CERT1: variants seen among roughly 807,000 people sequenced by gnomAD.
CERT1 encodes the protein ceramide transfer protein.
Under a neutral mutation model 87.9 loss-of-function variants are expected in CERT1, and 31 were observed. The observed-to-expected ratio is 0.35, with a 90% CI of 0.27 to 0.48. The LOEUF (loss-of-function observed/expected upper bound fraction) is 0.48, where lower values mean the gene tolerates loss of function less well. CERT1 is among the 20% of genes least tolerant of loss of function. CERT1 has a pLI of 0.99. For synonymous variants in CERT1, 289 were observed against 250.9 expected (o/e 1.15, Z -1.44); for missense variants, 487 against 758.0 (o/e 0.64, Z 4.20).
At chr5:75,438,661 T>C (rs1764190534) in intron 3 of CERT1, among the ~76,000 whole-genome samples, 4 of 152,168 alleles carry the variant, frequency 2.6e-5, no homozygotes, top group Admixed American at 2.6e-4. Context: ...TAATCTGGAA[T>C]TCAAATATAG....
chr5:75,408,084 G>A (rs1324784611), intron 8 of CERT1, among the ~76,000 whole-genome samples: 1 of 152,008 alleles, frequency 6.6e-6, no homozygotes, highest in Non-Finnish European at 1.5e-5. Context: ...ATTCTTAATA[G>A]GAGCCATTTA....
chr5:75,440,715 G>T (rs143664256), intron 3 of CERT1, among the ~76,000 whole-genome samples: 21 of 152,168 alleles, frequency 1.4e-4, no homozygotes, highest in African/African-American at 5.1e-4. Context: ...AAAAAGCTGA[G>T]TGTTACAAGT....
At chr5:75,382,203 A>T (rs1415785871) in intron 14 of CERT1, 126 bp from the exon 15 acceptor site, 10 of 762,522 alleles carry the variant, frequency 1.3e-5, no homozygotes, top group Non-Finnish European at 2.1e-5. Context: ...GCATCTGAGG[A>T]TATCTACCAA....
At chr5:75,478,909 T>TAAAAAAAAAAAAAAAAAA (rs11438163) in intron 2 of CERT1, among the ~76,000 whole-genome samples, 4 of 21,766 alleles carry the variant, frequency 1.8e-4, no homozygotes, top group Non-Finnish European at 2.4e-4. Flanking sequence ...AAGTAAGTAC[T>TAAAAAAAAAAAAAAAAAA]AAAAAAAAAA....
chr5:75,505,895 G>A (rs189330484), intron 2 of CERT1, 87 bp downstream of exon 2: 75 of 951,890 alleles, frequency 7.9e-5, no homozygotes, highest in East Asian at 7.6e-4. Context: ...TCTTATCCAC[G>A]GATGTATCCT....
In CERT1 at chr5:75,402,683, C is replaced by T. The variant is rs150714440; in HGVS notation, c.1017+289G>A. 1,865 of 206,900 alleles carry T rather than the reference C, an allele frequency of 9.0e-3. 36 individuals are homozygous for T. The highest frequency in any genetic ancestry group is 0.042 in the African/African-American group (1,785 of 42,806). The allele number at this position is 206,900 out of a possible 1,614,324, so 12.8% of individuals were successfully genotyped here. A position where few individuals can be genotyped will look rare whatever the true frequency, so the allele number is the denominator to read the frequency against. ...GGCACGGTGGCGCGCACCTGTAGTC[C>T]CAGCTACTCGGGAGGCTGAGGCAGA... On this transcript the variant is annotated intron_variant, in intron 9 of 16. Coordinates refer to ENST00000643780, the MANE Select transcript of CERT1 (RefSeq NM_001379029.1).
chr5:75,481,298 C>A (rs980196245), intron 2 of CERT1, among the ~76,000 whole-genome samples: 4 of 152,160 alleles, frequency 2.6e-5, no homozygotes, highest in Admixed American at 2.6e-4. Flanking sequence ...TTCCCCATTT[C>A]ACTCATTATA....
chr5:75,511,494 G>A lies in CERT1; in HGVS notation c.-287C>T. On this transcript the variant is annotated 5_prime_UTR_variant, in exon 1 of 17. Coordinates refer to ENST00000643780, the MANE Select transcript of CERT1 (RefSeq NM_001379029.1). ...TGCGTTGCGCCCGGCGCTGCCACCC[G>A]AACTTAGCCCCCTCGATGCCAATTT... 1 of 1,493,138 alleles carries A rather than the reference G, an allele frequency of 6.7e-7. No homozygotes were observed. The highest frequency in any genetic ancestry group is 2.5e-5 in the East Asian group (1 of 40,248). 92.5% of individuals were successfully genotyped at this position (1,493,138 alleles called of 1,614,324 possible).
chr5:75,454,094 G>A (rs1055977533), intron 3 of CERT1, among the ~76,000 whole-genome samples: 4 of 152,168 alleles, frequency 2.6e-5, no homozygotes, highest in African/African-American at 9.7e-5. Context: ...AACTGAATAA[G>A]CTGGAATTAT....
At chr5:75,392,926 C>T (rs370050564) in intron 11 of CERT1, among the ~76,000 whole-genome samples, 90 of 125,732 alleles carry the variant, frequency 7.2e-4, no homozygotes, top group South Asian at 2.7e-4. Flanking sequence ...GCCAAGATCA[C>T]GCCATTGCAC....
intron 2 of CERT1, among the ~76,000 whole-genome samples, chr5:75,471,235 C>A (rs1765693606): frequency 6.6e-6 from 1 of 152,196 alleles, no homozygotes; most frequent in Admixed American, 6.5e-5. Flanking sequence ...TAGCCTACTA[C>A]TCCTACTACT....
chr5:75,443,331 G>A (rs4432861), intron 3 of CERT1, among the ~76,000 whole-genome samples: 6,993 of 152,036 alleles, frequency 0.046, 231 homozygotes, highest in East Asian at 0.15. Flanking sequence ...ACTAATATAA[G>A]TGTTTATGGC....
intron 2 of CERT1, among the ~76,000 whole-genome samples, chr5:75,480,532 A>G (rs545620392): frequency 6.6e-6 from 1 of 152,344 alleles, no homozygotes; most frequent in African/African-American, 2.4e-5. Context: ...ACACGCATAC[A>G]TGCCCTACGT....
At chr5:75,487,887 G>A (rs139403113) in intron 2 of CERT1, among the ~76,000 whole-genome samples, 10 of 152,132 alleles carry the variant, frequency 6.6e-5, no homozygotes, top group African/African-American at 1.7e-4. Context: ...AAAAGGATGC[G>A]ATCCTGTCAT....
At position 75,464,879 on chromosome 5, in the gene CERT1, G is replaced by A. The variant is rs373631489; in HGVS notation, c.232-5698C>T. The stretch of plus-strand genomic sequence containing the variant: ...AGGCATGAGCCACCGCAAGTGGCCC[G>A]GAGTTTTATACTCAGAATTTTAGGT... On this transcript the variant is annotated intron_variant, in intron 2 of 16. Coordinates refer to ENST00000643780, the MANE Select transcript of CERT1 (RefSeq NM_001379029.1). Among the ~76,000 whole-genome samples, 124 of 152,204 alleles carry A rather than the reference G, an allele frequency of 8.1e-4. 1 individual carries two copies. Among genetic ancestry groups the A allele is most frequent in the African/African-American group, 2.6e-3 (108 of 41,546 alleles).
intron 11 of CERT1, among the ~76,000 whole-genome samples, chr5:75,396,474 C>A (rs1180093163): frequency 6.6e-6 from 1 of 151,976 alleles, no homozygotes; most frequent in Admixed American, 6.6e-5. Context: ...TGCCTGTAAT[C>A]CCAGCACTTT....
At position 75,511,389 on chromosome 5, in the gene CERT1, G is replaced by C. The variant is rs1474027381; in HGVS notation, c.-182C>G. Reference sequence around the variant, plus strand: ...GCGCCGCCGCCGCGCCTGACACCGAGCGGAGCGAGGAAGGAGGACGAGCGG... The same window carrying C: ...GCGCCGCCGCCGCGCCTGACACCGACCGGAGCGAGGAAGGAGGACGAGCGG... On this transcript the variant is annotated 5_prime_UTR_variant, in exon 1 of 17. Coordinates refer to ENST00000643780, the MANE Select transcript of CERT1 (RefSeq NM_001379029.1). 1.9e-6 allele frequency: 3 copies of C among 1,546,390 alleles called. No individual in the cohort carries two copies. In the Admixed American group the frequency reaches 5.9e-5, roughly 30 times the overall value.
chr5:75,495,374 T>C (rs1767008382), intron 2 of CERT1, among the ~76,000 whole-genome samples: 1 of 152,060 alleles, frequency 6.6e-6, no homozygotes, highest in African/African-American at 2.4e-5. Context: ...CTGAGCAACA[T>C]GGTCAAACCC....
At chr5:75,475,046 A>G (rs1421871002) in intron 2 of CERT1, among the ~76,000 whole-genome samples, 1 of 152,110 alleles carries the variant, frequency 6.6e-6, no homozygotes, top group East Asian at 1.9e-4. Flanking sequence ...TGATACTGGG[A>G]AAATACCCAC....
Sources: gnomAD v4.1 joint callset for allele counts (sites outside exome capture counted in the v4.1 genomes callset) on GRCh38, gnomAD v4.1.1 for gene constraint, MANE v1.5 for transcripts, NCBI Gene and HGNC (gene_info 2026-07-23, HGNC 2026-07-21) for gene names.